OR7C1: variants seen among roughly 807,000 people sequenced by gnomAD.
OR7C1 encodes the protein olfactory receptor 7C1.
For missense variants in OR7C1, 324 were observed against 383.3 expected, an observed-to-expected ratio of 0.85 and a Z score of 1.29; for synonymous variants, 152 against 160.7, an observed-to-expected ratio of 0.95 and a Z score of 0.41.
chr19:14,832,961 TA>T (rs1260980075), intron 1 of OR7C1, among the ~76,000 whole-genome samples: 1 of 152,204 alleles, frequency 6.6e-6, no homozygotes, highest in Non-Finnish European at 1.5e-5. Context: ...ACACTGTTCA[TA>T]AAAAACTCTT....
At chr19:14,813,167 A>G (rs566744083) in intron 1 of OR7C1, among the ~76,000 whole-genome samples, 3 of 152,296 alleles carry the variant, frequency 2.0e-5, no homozygotes, top group Non-Finnish European at 4.4e-5. Flanking sequence ...ACACAGATGC[A>G]GAAATTCTCA....
Position 14,827,850 on chromosome 19 carries a change from T to C in OR7C1, c.-623+7224A>G. 4 of 1,614,148 alleles carry C rather than the reference T, an allele frequency of 2.5e-6. No individual in the cohort carries two copies. In the South Asian group the frequency reaches 4.4e-5, roughly 18 times the overall value. On this transcript the variant is annotated intron_variant, in intron 1 of 4. Transcript: ENST00000641666. ...GTGAGGGTTCATAATGACCATGTAG[T>C]GCAGGGGGTGACAGATGGCCACAAA...
At chr19:14,830,208 A>G (rs2044817528) in intron 1 of OR7C1, among the ~76,000 whole-genome samples, 1 of 152,226 alleles carries the variant, frequency 6.6e-6, no homozygotes, top group Non-Finnish European at 1.5e-5. Context: ...TACAGAATGT[A>G]GAATTGGTAC....
At chr19:14,803,093 G>T (rs2044649289) in intron 2 of OR7C1, among the ~76,000 whole-genome samples, 2 of 151,966 alleles carry the variant, frequency 1.3e-5, no homozygotes, top group African/African-American at 4.8e-5. Flanking sequence ...GATCACCTGA[G>T]GTCAGGAGTT....
At chr19:14,799,231 C>G (rs1156387681) in exon 5 of OR7C1, 1 of 1,614,118 alleles carries the variant, frequency 6.2e-7, no homozygotes, top group Admixed American at 1.7e-5. Flanking sequence ...TGAGGAGTCT[C>G]CCCAGGGCCC....
At chr19:14,818,679 T>A (rs2044727701) in intron 1 of OR7C1, among the ~76,000 whole-genome samples, 1 of 152,214 alleles carries the variant, frequency 6.6e-6, no homozygotes, top group Admixed American at 6.5e-5. Context: ...GAACGTTTTT[T>A]CACCAACGTT....
At chr19:14,816,489 T>C (rs929747035) in intron 1 of OR7C1, among the ~76,000 whole-genome samples, 11 of 152,188 alleles carry the variant, frequency 7.2e-5, no homozygotes, top group African/African-American at 2.7e-4. Context: ...TCTCCCATGG[T>C]GAATGCTTCC....
At chr19:14,799,357 G>A (rs2044627033) in exon 5 of OR7C1, 1 of 1,614,182 alleles carries the variant, frequency 6.2e-7, no homozygotes. Context: ...CTGCAGAACT[G>A]AGATAGACCC....
At chr19:14,803,523 T>C (rs1308826201) in intron 2 of OR7C1, among the ~76,000 whole-genome samples, 1 of 151,900 alleles carries the variant, frequency 6.6e-6, no homozygotes, top group East Asian at 1.9e-4. Flanking sequence ...AGACAGCCTT[T>C]TCCTATTTGT....
chr19:14,823,443 C>A (rs886999987), intron 1 of OR7C1, among the ~76,000 whole-genome samples: 2 of 152,114 alleles, frequency 1.3e-5, no homozygotes. Flanking sequence ...CAGAGCAAGA[C>A]TCCGTCTAAA....
At chr19:14,813,716 A>AGG (rs59966243) in intron 1 of OR7C1, among the ~76,000 whole-genome samples, 11,706 of 151,908 alleles carry the variant, frequency 0.077, 585 homozygotes, top group Non-Finnish European at 0.11. Flanking sequence ...GAGAGAGAGA[A>AGG]GGGGGGCGTG....
chr19:14,821,140 A>G (rs1011884012), intron 1 of OR7C1, among the ~76,000 whole-genome samples: 7 of 152,230 alleles, frequency 4.6e-5, no homozygotes, highest in Admixed American at 1.3e-4. Flanking sequence ...TGGGAGGCTG[A>G]GGCAGGAGAA....
Position 14,799,041 on chromosome 19 carries a change from A to G in OR7C1, c.*133T>C, listed in dbSNP as rs1013215733. ...TCTGTGGCCCTCCCTATCTACCTAA[A>G]TAATTTCTTTCTAGCTCCTGTATCA... is the stretch of plus-strand genomic sequence containing the variant. On this transcript the variant is annotated 3_prime_UTR_variant, in exon 5 of 5. Coordinates refer to ENST00000641666, the Ensembl canonical transcript of OR7C1. The G allele has an allele frequency of 3.1e-5, 37 of 1,191,320 alleles. No individual in the cohort carries two copies. In the Admixed American group the frequency reaches 4.5e-4, roughly 15 times the overall value. The allele number at this position is 1,191,320 out of a possible 1,614,324, so 73.8% of individuals were successfully genotyped here. A position where few individuals can be genotyped will look rare whatever the true frequency, so the allele number is the denominator to read the frequency against.
chr19:14,815,450 T>A (rs918830340), intron 1 of OR7C1, among the ~76,000 whole-genome samples: 5 of 152,222 alleles, frequency 3.3e-5, no homozygotes, highest in Non-Finnish European at 5.9e-5. Flanking sequence ...GCCAACCCAT[T>A]GAGCATAAAG....
intron 1 of OR7C1, chr19:14,828,210 T>C (rs1252713311): frequency 2.5e-6 from 4 of 1,612,722 alleles, no homozygotes. Context: ...AAGAAGAAAT[T>C]CTGAAATTTG....
intron 1 of OR7C1, among the ~76,000 whole-genome samples, chr19:14,822,100 A>T (rs1412429623): frequency 6.6e-6 from 1 of 152,168 alleles, no homozygotes; most frequent in African/African-American, 2.4e-5. Context: ...TGATCTATTC[A>T]TTCTTTGGCG....
At chr19:14,810,786 A>T (rs976542537) in intron 1 of OR7C1, among the ~76,000 whole-genome samples, 1 of 151,896 alleles carries the variant, frequency 6.6e-6, no homozygotes, top group Non-Finnish European at 1.5e-5. Flanking sequence ...GGTAGAGAGT[A>T]AAAAAGGCTC....
chr19:14,799,524 C>T (rs772802995), exon 5 of OR7C1: 35 of 1,614,018 alleles, frequency 2.2e-5, no homozygotes, highest in Admixed American at 8.3e-5. Flanking sequence ...ACACCCAGGA[C>T]GCCAGTTGCA....
chr19:14,822,373 CTTTTTTTTTTTTTTT>C (rs1162241411), intron 1 of OR7C1, among the ~76,000 whole-genome samples: 3 of 67,694 alleles, frequency 4.4e-5, no homozygotes, highest in East Asian at 4.2e-4. Flanking sequence ...TATCTCCTGT[CTTTTTTTTTTTTTTT>C]TTTTTTTTTT....
Sources: allele counts gnomAD v4.1 joint callset (sites outside exome capture counted in the v4.1 genomes callset), GRCh38; gene constraint gnomAD v4.1.1; transcripts MANE v1.5; gene names NCBI Gene and HGNC (gene_info 2026-07-23, HGNC 2026-07-21).